Variants in MSANTD7 observed in about 807,000 individuals in gnomAD.
MSANTD7 encodes the protein zinc finger and SCAN domain containing 29.
At chr10:14,838,498 C>T in the MSANTD7 span, 6 of 1,553,898 alleles carry the variant, frequency 3.9e-6, no homozygotes, top group Non-Finnish European at 3.5e-6. Context: ...TTCATGACGG[C>T]CACCCGGTTT....
the MSANTD7 span, among the ~76,000 whole-genome samples, chr10:14,839,458 A>G: frequency 1.3e-4 from 20 of 152,092 alleles, no homozygotes; most frequent in East Asian, 3.9e-3. Flanking sequence ...CCAGCTGCTC[A>G]GGAGGCTGAG....
chr10:14,838,390 TC>T, the MSANTD7 span: 1 of 1,600,058 alleles, frequency 6.2e-7, no homozygotes. Context: ...GCCGCTGCCG[TC>T]CCTGCTGCCT....
At chr10:14,842,876 T>G in the MSANTD7 span, 1 of 1,429,634 alleles carries the variant, frequency 7.0e-7, no homozygotes, top group African/African-American at 1.4e-5. The surrounding 1 kb of genome is among the most constrained non-coding windows in gnomAD (Gnocchi z 5.2). Flanking sequence ...AGGAGTTGGG[T>G]CCCAGAGTCT....
the MSANTD7 span, among the ~76,000 whole-genome samples, chr10:14,840,393 T>C: frequency 6.1e-3 from 930 of 152,332 alleles, 7 homozygotes; most frequent in Middle Eastern, 0.037. Context: ...ATTTGGTAAT[T>C]TGCGTCAGAG....
At chr10:14,842,992 T>C in the MSANTD7 span, 1 of 701,934 alleles carries the variant, frequency 1.4e-6, no homozygotes, top group East Asian at 2.7e-5. This position sits in a 1 kb window ranked among gnomAD's most constrained non-coding sequence, Gnocchi z 5.2. Context: ...AACCTAATAG[T>C]AAGCTAAAGG....
the MSANTD7 span, among the ~76,000 whole-genome samples, chr10:14,839,400 C>G: frequency 6.6e-6 from 1 of 151,902 alleles, no homozygotes; most frequent in South Asian, 2.1e-4. Flanking sequence ...ATGGTGAAAC[C>G]CCGCCTCTAC....
the MSANTD7 span, chr10:14,846,764 G>C: frequency 1.0e-6 from 1 of 985,452 alleles, no homozygotes; most frequent in South Asian, 4.7e-5. Context: ...AGACTCTGGA[G>C]CACATTAGTG....
At chr10:14,842,471 C>T in the MSANTD7 span, 28 of 1,536,014 alleles carry the variant, frequency 1.8e-5, no homozygotes, top group Non-Finnish European at 2.3e-5. This position sits in a 1 kb window ranked among gnomAD's most constrained non-coding sequence, Gnocchi z 5.2. Flanking sequence ...ACGTCAGTGC[C>T]GCTCCAAGTT....
chr10:14,844,223 C>T, the MSANTD7 span: 1 of 1,101,766 alleles, frequency 9.1e-7, no homozygotes, highest in Non-Finnish European at 1.1e-6. Flanking sequence ...AATAATAACT[C>T]CTGCCCTGCC....
the MSANTD7 span, chr10:14,846,894 C>G: frequency 1.0e-6 from 1 of 985,418 alleles, no homozygotes; most frequent in South Asian, 4.7e-5. Context: ...ACTGCCTCCT[C>G]AAGTCCATCA....
At chr10:14,846,689 A>C in the MSANTD7 span, 165 of 965,916 alleles carry the variant, frequency 1.7e-4, no homozygotes, top group Middle Eastern at 1.6e-3. Context: ...TGAGGATCAA[A>C]GGAACAGATG....
chr10:14,844,094 G>A, the MSANTD7 span: 4 of 1,406,302 alleles, frequency 2.8e-6, no homozygotes, highest in East Asian at 2.7e-5. Flanking sequence ...AAATGCCAGG[G>A]GTGACCTAAT....
At chr10:14,844,514 C>G in the MSANTD7 span, 1 of 987,402 alleles carries the variant, frequency 1.0e-6, no homozygotes, top group East Asian at 1.1e-4. Flanking sequence ...TGTATTTGTA[C>G]CTTAATCTCT....
chr10:14,839,376 C>G, the MSANTD7 span, among the ~76,000 whole-genome samples: 2 of 152,088 alleles, frequency 1.3e-5, no homozygotes, highest in Admixed American at 6.6e-5. Flanking sequence ...GAGTTCTAGA[C>G]CAGCCTGGCT....
chr10:14,843,504 CA>C, the MSANTD7 span: 4 of 1,550,674 alleles, frequency 2.6e-6, no homozygotes, highest in Non-Finnish European at 3.5e-6. Context: ...GCACCAACCG[CA>C]GCACTCCTGG....
chr10:14,841,890 C>T, the MSANTD7 span, among the ~76,000 whole-genome samples: 2 of 152,208 alleles, frequency 1.3e-5, no homozygotes, highest in African/African-American at 4.8e-5. Flanking sequence ...ACTCACCAGA[C>T]AAGGGTGATT....
At chr10:14,843,790 A>G in the MSANTD7 span, 1 of 1,536,350 alleles carries the variant, frequency 6.5e-7, no homozygotes, top group African/African-American at 1.4e-5. Context: ...GGATGCTGTC[A>G]TCGCAGTCAG....
chr10:14,843,782 A>G, the MSANTD7 span: 1 of 1,536,348 alleles, frequency 6.5e-7, no homozygotes, highest in Non-Finnish European at 8.7e-7. Context: ...CTCCGCAGGG[A>G]TGCTGTCATC....
chr10:14,838,706 A>G, the MSANTD7 span: 2 of 469,398 alleles, frequency 4.3e-6, no homozygotes, highest in Non-Finnish European at 3.8e-6. Context: ...CCAGGGCGTC[A>G]TGGCGGCGGG....
Sources: gnomAD v4.1 joint callset for allele counts (sites outside exome capture counted in the v4.1 genomes callset) on GRCh38, gnomAD v4.1.1 for gene constraint, Gnocchi (gnomAD v3.1) non-coding constraint, MANE v1.5 for transcripts, NCBI Gene and HGNC (gene_info 2026-07-23, HGNC 2026-07-21) for gene names.